Variants in CYGB observed in about 807,000 individuals in gnomAD.
The protein encoded by CYGB is cytoglobin.
A neutral mutation model predicts 20.7 loss-of-function variants in CYGB; 13 were observed. The ratio of observed to expected loss-of-function variants is 0.63; its 90% CI spans 0.41 to 1.00. The LOEUF (loss-of-function observed/expected upper bound fraction) is 1.00. Among genes scored for constraint, CYGB ranks in the 50% least tolerant of loss-of-function variants. CYGB has a pLI of 0.00. For missense variants in CYGB, 218 were observed against 257.2 expected (o/e 0.85, Z 1.04); for synonymous variants, 93 against 107.4 (o/e 0.87, Z 0.83).
rs144056543 is a variant in CYGB, at chr17:76,531,524, G to C, written c.311C>G (p.Ser104Cys). ...GGCTTTCCCCACAAGGGCGAGCACA[G>C]AGGACACCTTGTCGGGGTCATGCAG... ...ENLHDPDKVS[S>C]VLALVGKAHA... The change falls in exon 2 of 4, where the codon TCT becomes TGT. Residue 104 changes from serine (S) to cysteine (C), a missense_variant. Coordinates refer to ENST00000293230, the MANE Select transcript of CYGB (RefSeq NM_134268.5). The surrounding 1 kb of genome is among the most constrained non-coding windows in gnomAD (Gnocchi z 7.4). The C allele has an allele frequency of 2.0e-4, 324 of 1,614,012 alleles. No homozygotes were observed. The highest frequency in any genetic ancestry group is 2.5e-4 in the Non-Finnish European group (294 of 1,179,944).
chr17:76,538,454 G>A (rs1567909902), upstream of CYGB: 2 of 465,860 alleles, frequency 4.3e-6, no homozygotes, highest in African/African-American at 4.0e-5. Context: ...CTCGGTGCAC[G>A]AACGCGGCGG....
chr17:76,537,454 A>G lies in CYGB; in HGVS notation c.89T>C (p.Met30Thr). Residue 30 changes from methionine to threonine, a missense_variant, in exon 1 of 4, where the codon ATG becomes ACG. Physicochemically the swap from Met to Thr is moderately conservative, Grantham distance 81. Around this residue, in one of 2 missense-constraint regions of CYGB, gnomAD observed 152 missense variants for 149.9 expected, o/e 1.01. Coordinates refer to ENST00000293230, the MANE Select transcript of CYGB (RefSeq NM_134268.5). ...SEAERKAVQA[M>T]WARLYANCED... ...GCAGTTGGCATAGAGCCGGGCCCAC[A>G]TAGCCTGCACCGCCTTCCTCTCCGC... 1.3e-6 allele frequency: 2 copies of G among 1,598,540 alleles called. No individual in the cohort carries two copies. Among genetic ancestry groups the G allele is most frequent in the African/African-American group, 1.4e-5 (1 of 72,930 alleles).
In CYGB at chr17:76,528,424, G is replaced by A. The variant is rs201303782; in HGVS notation, c.*154C>T. On this transcript the variant is annotated 3_prime_UTR_variant, in exon 4 of 4. Coordinates refer to ENST00000293230, the MANE Select transcript of CYGB (RefSeq NM_134268.5). The surrounding 1 kb of genome is among the most constrained non-coding windows in gnomAD (Gnocchi z 5.8). ...CGCCGCCTCCCAGCAGCTCCAGGGG[G>A]GGACCCTGGCCGCCACAGAGGCCTC... 2.1e-3 allele frequency: 1,404 copies of A among 666,004 alleles called. 6 individuals carry two copies. The highest frequency in any genetic ancestry group is 0.011 in the African/African-American group (585 of 53,688). 41.3% of individuals were successfully genotyped at this position (666,004 alleles called of 1,614,324 possible). A position where few individuals can be genotyped will look rare whatever the true frequency, so the allele number is the denominator to read the frequency against.
At chr17:76,535,470 A>C (rs1598206660) in intron 1 of CYGB, among the ~76,000 whole-genome samples, 1 of 152,028 alleles carries the variant, frequency 6.6e-6, no homozygotes, top group African/African-American at 2.4e-5. Context: ...AGGAGGAGAG[A>C]AAAAGGAAAG....
chr17:76,536,191 C>G (rs1308784196), intron 1 of CYGB, among the ~76,000 whole-genome samples: 2 of 152,196 alleles, frequency 1.3e-5, no homozygotes, highest in Non-Finnish European at 2.9e-5. Flanking sequence ...GAGCGCTCCT[C>G]TAACTCCTTA....
rs1003660366 is a variant in CYGB, at chr17:76,533,446, C to T, written c.144-1755G>A. On this transcript the variant is annotated intron_variant, in intron 1 of 3. Coordinates refer to ENST00000293230, the MANE Select transcript of CYGB (RefSeq NM_134268.5). This position sits in a 1 kb window ranked among gnomAD's most constrained non-coding sequence, Gnocchi z 4.5. ...TTGCAATAAAAAATAATGATATGGC[C>T]GGGCACGGTGGCTCACGCCTATAAT... 5.3e-5 allele frequency among the ~76,000 whole-genome samples: 8 copies of T among 152,304 alleles called. No individual in the cohort carries two copies. The South Asian group carries it at 6.2e-4, about 12-fold the overall frequency.
chr17:76,540,635 G>C, upstream of CYGB: 3 of 1,498,636 alleles, frequency 2.0e-6, no homozygotes, highest in Non-Finnish European at 2.8e-6. This position sits in a 1 kb window ranked among gnomAD's most constrained non-coding sequence, Gnocchi z 5.0. Context: ...GGCTGTGCAT[G>C]CCTGGGGGTG....
upstream of CYGB, chr17:76,538,567 G>GA: frequency 2.2e-6 from 1 of 463,962 alleles, no homozygotes; most frequent in East Asian, 7.4e-5. Flanking sequence ...AGTCCAGAGA[G>GA]GCACCGGATA....
At chr17:76,543,227 C>G (rs578090339) in intron 1 of CYGB, 2 of 384,774 alleles carry the variant, frequency 5.2e-6, no homozygotes, top group Non-Finnish European at 1.1e-5. Context: ...AAAGAGCAGA[C>G]GTGCTCGCTG....
In CYGB at chr17:76,533,676, T is replaced by C. The variant is rs1446111385; in HGVS notation, c.144-1985A>G. 1.3e-5 allele frequency among the ~76,000 whole-genome samples: 2 copies of C among 152,024 alleles called. No homozygotes were observed. Among genetic ancestry groups the C allele is most frequent in the Non-Finnish European group, 2.9e-5 (2 of 68,016 alleles). The stretch of plus-strand genomic sequence containing the variant: ...AGGCCAAGGCTGCAGGGAGCCAAGA[T>C]TGTGCCATTGCACTCCAGCCTGGGT... On this transcript the variant is annotated intron_variant, in intron 1 of 3. Transcript: ENST00000293230. This position sits in a 1 kb window ranked among gnomAD's most constrained non-coding sequence, Gnocchi z 4.5.
At chr17:76,534,329 C>A (rs2074890281) in intron 1 of CYGB, among the ~76,000 whole-genome samples, 2 of 152,134 alleles carry the variant, frequency 1.3e-5, no homozygotes, top group Non-Finnish European at 2.9e-5. Context: ...CAGGTGCCCG[C>A]CACCACACCC....
intron 1 of CYGB, among the ~76,000 whole-genome samples, chr17:76,536,215 C>T (rs1313637370): frequency 1.3e-5 from 2 of 152,216 alleles, no homozygotes; most frequent in African/African-American, 4.8e-5. Context: ...GTGCTTCCTG[C>T]TCTTTTTCCT....
At chr17:76,534,176 C>CTCTCTT (rs1555623595) in intron 1 of CYGB, among the ~76,000 whole-genome samples, 5 of 126,038 alleles carry the variant, frequency 4.0e-5, no homozygotes, top group African/African-American at 6.5e-5. Flanking sequence ...CTCTCTCTCT[C>CTCTCTT]TTTCTTTCTT....
At chr17:76,532,510 A>G (rs1444520881) in intron 1 of CYGB, among the ~76,000 whole-genome samples, 1 of 148,476 alleles carries the variant, frequency 6.7e-6, no homozygotes, top group Non-Finnish European at 1.5e-5. Context: ...GGGGCCCTGC[A>G]GTGTGAAAAA....
In CYGB at chr17:76,531,769, G is replaced by A. The variant is rs2074847556; in HGVS notation, c.144-78C>T. 6 of 1,267,198 alleles carry A rather than the reference G, an allele frequency of 4.7e-6. No individual in the cohort carries two copies. The South Asian group carries it at 8.5e-5, about 18-fold the overall frequency. 78.5% of individuals were successfully genotyped at this position (1,267,198 alleles called of 1,614,324 possible). A position where few individuals can be genotyped will look rare whatever the true frequency, so the allele number is the denominator to read the frequency against. ...CCCTGAAGCTTCCAGGATAGTGGGG[G>A]CTGAAGAAGTGGACCGCAGTGCTCC... On this transcript the variant is annotated intron_variant, in intron 1 of 3. Coordinates refer to ENST00000293230, the MANE Select transcript of CYGB (RefSeq NM_134268.5). The surrounding 1 kb of genome is among the most constrained non-coding windows in gnomAD (Gnocchi z 7.4).
Position 76,528,571 on chromosome 17 carries a change from A to AG in CYGB, c.*6dup, listed in dbSNP as rs2074794135. On this transcript the variant is annotated 3_prime_UTR_variant, in exon 4 of 4. Coordinates refer to ENST00000293230, the MANE Select transcript of CYGB (RefSeq NM_134268.5). The surrounding 1 kb of genome is among the most constrained non-coding windows in gnomAD (Gnocchi z 5.8). Reference sequence around the variant, plus strand: ...TGCTGCCAGGGAGGGGGGTGGAGTTAGGGGTCCTACGGCCCCGAAGAGGGC... The same window carrying AG: ...TGCTGCCAGGGAGGGGGGTGGAGTTAGGGGGTCCTACGGCCCCGAAGAGGGC... 8.0e-7 allele frequency: 1 copy of AG among 1,243,908 alleles called. No individual in the cohort carries two copies. The highest frequency in any genetic ancestry group is 3.6e-5 in the East Asian group (1 of 27,664). The allele number at this position is 1,243,908 out of a possible 1,614,324, so 77.1% of individuals were successfully genotyped here. A position where few individuals can be genotyped will look rare whatever the true frequency, so the allele number is the denominator to read the frequency against.
intron 1 of CYGB, chr17:76,543,151 G>A (rs1567912516): frequency 4.3e-6 from 2 of 466,578 alleles, no homozygotes; most frequent in Non-Finnish European, 8.9e-6. Context: ...CCCGGGACCT[G>A]CCAGTCTCCC....
chr17:76,545,457 C>A, intron 1 of CYGB: 1 of 441,094 alleles, frequency 2.3e-6, no homozygotes, highest in South Asian at 1.6e-5. Flanking sequence ...TGCTCAGGGG[C>A]TTGGGAGAGG....
intron 1 of CYGB, chr17:76,544,439 G>A (rs1204728602): frequency 5.9e-5 from 27 of 454,906 alleles, no homozygotes; most frequent in Non-Finnish European, 1.0e-4. Flanking sequence ...GGTGCACCCC[G>A]CTGGGGAGGG....
Sources: allele counts gnomAD v4.1 joint callset (sites outside exome capture counted in the v4.1 genomes callset), GRCh38; gene constraint gnomAD v4.1.1; regional missense constraint gnomAD v4.1.1; non-coding constraint Gnocchi (gnomAD v3.1); transcripts MANE v1.5; gene names NCBI Gene and HGNC (gene_info 2026-07-23, HGNC 2026-07-21).